Variants in NR6A1 observed in about 807,000 individuals in gnomAD.
The protein encoded by NR6A1 is nuclear receptor subfamily 6 group A member 1.
NR6A1 carries 7 observed loss-of-function variants against 59.1 expected under a neutral mutation model. The ratio of observed to expected loss-of-function variants is 0.12; its 90% confidence interval spans 0.07 to 0.22. The LOEUF (loss-of-function observed/expected upper bound fraction) is 0.22, where lower values mean the gene tolerates loss of function less well. Ranked by LOEUF, NR6A1 falls within the 10% of genes least tolerant of loss-of-function variation. The pLI, the probability that NR6A1 is intolerant of heterozygous loss-of-function variation, is 1.00. For missense variants in NR6A1, 468 were observed against 611.6 expected (o/e 0.77, Z 2.48); for synonymous variants, 243 against 236.1 (o/e 1.03, Z -0.27).
At chr9:124,611,726 C>A (rs1835748256) in intron 2 of NR6A1, among the ~76,000 whole-genome samples, 1 of 115,664 alleles carries the variant, frequency 8.6e-6, no homozygotes, top group South Asian at 2.6e-4. Flanking sequence ...TCCAGGCCTG[C>A]ACAACAGAGT....
At chr9:124,608,059 C>CA (rs1234537203) in intron 2 of NR6A1, among the ~76,000 whole-genome samples, 1 of 150,892 alleles carries the variant, frequency 6.6e-6, no homozygotes, top group African/African-American at 2.4e-5. Context: ...GAGACAGTCT[C>CA]AAAAAAATAA....
In NR6A1 at chr9:124,526,882, C is replaced by G. The variant is rs751421653; in HGVS notation, c.1098G>C (p.Met366Ile). The change falls in exon 8 of 10, where the codon ATG becomes ATC. Residue 366 changes from methionine (M) to isoleucine (I), a missense_variant. Coordinates refer to ENST00000487099, the MANE Select transcript of NR6A1 (RefSeq NM_033334.4). The stretch of plus-strand genomic sequence containing the variant: ...GGTAGATGAGCCGCTCGATCACCTC[C>G]ATCCCTTCATCACTAAATCTGAGGA... ...EELHRFSDEG[M>I]EVIERLIYLY... The G allele has an allele frequency of 1.2e-6, 2 of 1,614,024 alleles. No individual in the cohort carries two copies.
intron 2 of NR6A1, among the ~76,000 whole-genome samples, chr9:124,667,997 C>T (rs1386360237): frequency 6.6e-6 from 1 of 152,110 alleles, no homozygotes; most frequent in Admixed American, 6.6e-5. Flanking sequence ...TTAAACATCA[C>T]AAGGGGTTAG....
chr9:124,601,654 A>G lies in NR6A1; in HGVS notation c.143-47084T>C, dbSNP rs796607055. ...AAGACTATATATAGACTATATATAT[A>G]AAGCATATATAGAGTATGCTTACAT... On this transcript the variant is annotated intron_variant, in intron 2 of 9. Transcript: ENST00000487099. Among the ~76,000 whole-genome samples, 3 of 151,780 alleles carry G rather than the reference A, an allele frequency of 2.0e-5. No homozygotes were observed. In the South Asian group the frequency reaches 6.3e-4, roughly 32 times the overall value.
intron 2 of NR6A1, chr9:124,698,477 T>G (rs1032546420): frequency 3.9e-5 from 6 of 152,148 alleles, no homozygotes; most frequent in African/African-American, 7.2e-5. Context: ...GACAGATAAG[T>G]CATCCTCAGA....
At chr9:124,584,863 G>C (rs1368566294) in intron 2 of NR6A1, among the ~76,000 whole-genome samples, 3 of 152,176 alleles carry the variant, frequency 2.0e-5, no homozygotes, top group African/African-American at 4.8e-5. Context: ...AGCTTAATGA[G>C]GAAGGCACGT....
At chr9:124,568,322 C>T (rs1207023194) in intron 2 of NR6A1, among the ~76,000 whole-genome samples, 1 of 151,644 alleles carries the variant, frequency 6.6e-6, no homozygotes, top group African/African-American at 2.4e-5. Context: ...CCCGTCTCTA[C>T]TAAAAATACA....
intron 2 of NR6A1, among the ~76,000 whole-genome samples, chr9:124,698,799 A>C (rs1285233377): frequency 1.3e-5 from 2 of 152,150 alleles, no homozygotes; most frequent in Non-Finnish European, 2.9e-5. Flanking sequence ...AATAGCTACC[A>C]AATATCAGGA....
chr9:124,572,979 C>T (rs1228263386), intron 2 of NR6A1, among the ~76,000 whole-genome samples: 4 of 152,206 alleles, frequency 2.6e-5, no homozygotes, highest in Admixed American at 2.0e-4. Context: ...CTGTGCAACA[C>T]GAGACTTCAT....
intron 2 of NR6A1, among the ~76,000 whole-genome samples, chr9:124,667,708 G>C (rs1424448030): frequency 6.6e-6 from 1 of 152,154 alleles, no homozygotes; most frequent in Admixed American, 6.5e-5. Context: ...TTCCTCTGAA[G>C]ACTATTATAA....
intron 2 of NR6A1, among the ~76,000 whole-genome samples, chr9:124,660,572 T>C (rs1186561567): frequency 6.9e-6 from 1 of 144,276 alleles, no homozygotes; most frequent in African/African-American, 2.6e-5. Flanking sequence ...ACACAAAGCT[T>C]GGAGCTGCAG....
rs1254823516 is a variant in NR6A1, at chr9:124,771,163, G to A, written c.-44C>T. 3 of 1,096,872 alleles carry A rather than the reference G, an allele frequency of 2.7e-6. No individual in the cohort carries two copies. The highest frequency in any genetic ancestry group is 3.2e-5 in the East Asian group (1 of 30,982). 67.9% of individuals were successfully genotyped at this position (1,096,872 alleles called of 1,614,324 possible). A position where few individuals can be genotyped will look rare whatever the true frequency, so the allele number is the denominator to read the frequency against. ...CGCGCCGGGTTTGTTGCTCCGCCAT[G>A]ACCGGCGCCCTAGTCGCCGTGGTCG... On this transcript the variant is annotated 5_prime_UTR_variant, in exon 1 of 10. Transcript: ENST00000487099.
intron 7 of NR6A1, among the ~76,000 whole-genome samples, chr9:124,527,475 CGTT>C (rs1159419245): frequency 1.3e-5 from 2 of 152,178 alleles, no homozygotes; most frequent in Non-Finnish European, 2.9e-5. Flanking sequence ...GGGAGGAAAA[CGTT>C]AACTGAGTTT....
At chr9:124,525,320 CACAG>C (rs1237981835) in intron 8 of NR6A1, among the ~76,000 whole-genome samples, 1 of 150,846 alleles carries the variant, frequency 6.6e-6, no homozygotes, top group African/African-American at 2.4e-5. Flanking sequence ...CACACACACA[CACAG>C]CACCCTCCTA....
intron 2 of NR6A1, among the ~76,000 whole-genome samples, chr9:124,596,840 T>A (rs1003164969): frequency 6.6e-6 from 1 of 152,190 alleles, no homozygotes; most frequent in Non-Finnish European, 1.5e-5. Flanking sequence ...CATTCAAATA[T>A]CAGGACACAA....
chr9:124,619,234 AG>A (rs1337582214), intron 2 of NR6A1, among the ~76,000 whole-genome samples: 2 of 152,188 alleles, frequency 1.3e-5, no homozygotes, highest in Non-Finnish European at 2.9e-5. Context: ...AAATAAAACA[AG>A]CTACACAATT....
chr9:124,722,492 T>C (rs1446729506), intron 2 of NR6A1, among the ~76,000 whole-genome samples: 3 of 152,240 alleles, frequency 2.0e-5, no homozygotes, highest in Non-Finnish European at 2.9e-5. Context: ...AGCTGAGATG[T>C]ACACATTTCT....
At chr9:124,571,149 C>T (rs1393007681) in intron 2 of NR6A1, among the ~76,000 whole-genome samples, 1 of 152,154 alleles carries the variant, frequency 6.6e-6, no homozygotes, top group African/African-American at 2.4e-5. Context: ...GAGGTATCAC[C>T]TGAACTGAGC....
intron 2 of NR6A1, among the ~76,000 whole-genome samples, chr9:124,584,554 A>C (rs1429997053): frequency 6.6e-6 from 1 of 152,102 alleles, no homozygotes; most frequent in Non-Finnish European, 1.5e-5. Context: ...TGTTCATATT[A>C]TTATATCTGT....
Sources: allele counts gnomAD v4.1 joint callset (sites outside exome capture counted in the v4.1 genomes callset), GRCh38; gene constraint gnomAD v4.1.1; transcripts MANE v1.5; gene names NCBI Gene and HGNC (gene_info 2026-07-23, HGNC 2026-07-21).